Variants in THOC7 observed in about 807,000 individuals in gnomAD.
The protein encoded by THOC7 is NIF3L1-binding protein 1.
Under a neutral mutation model 33.1 loss-of-function variants are expected in THOC7, and 22 were observed. That is an observed-to-expected ratio of 0.66 (90% confidence interval 0.47 to 0.95). THOC7 has a LOEUF of 0.95. Among genes scored for constraint, THOC7 ranks in the 40% least tolerant of loss-of-function variants. The pLI, the probability that THOC7 is intolerant of heterozygous loss-of-function variation, is 0.00. For missense variants in THOC7, 184 were observed against 245.3 expected (o/e 0.75, Z 1.67); for synonymous variants, 77 against 76.8 (o/e 1.00, Z -0.01).
intron 5 of THOC7, 106 bp from the exon 6 acceptor site, chr3:63,835,496 G>T: frequency 1.0e-6 from 1 of 988,590 alleles, no homozygotes; most frequent in Non-Finnish European, 1.5e-6. Context: ...ATAAAAAAAG[G>T]GCTTATAAGG....
chr3:63,855,034 G>C (rs1039144308), intron 1 of THOC7, among the ~76,000 whole-genome samples: 3 of 151,796 alleles, frequency 2.0e-5, no homozygotes, highest in Non-Finnish European at 4.4e-5. Context: ...AAGAAAAGGA[G>C]GCAGCAATTA....
intron 1 of THOC7, among the ~76,000 whole-genome samples, chr3:63,860,310 G>T (rs1346310121): frequency 6.6e-6 from 1 of 152,174 alleles, no homozygotes; most frequent in African/African-American, 2.4e-5. Context: ...ATCCCAAAGT[G>T]CTAAGATTGA....
intron 1 of THOC7, among the ~76,000 whole-genome samples, chr3:63,840,768 A>G (rs945672905): frequency 6.6e-6 from 1 of 152,238 alleles, no homozygotes; most frequent in Non-Finnish European, 1.5e-5. Context: ...TTTTTCAACT[A>G]TCAGATTGGC....
chr3:63,845,084 T>A (rs1190136438), intron 1 of THOC7: 2 of 697,108 alleles, frequency 2.9e-6, no homozygotes, highest in East Asian at 2.7e-5. Context: ...CAGGAAAAGG[T>A]GATGCTAACC....
intron 1 of THOC7, 49 bp downstream of exon 1, chr3:63,863,723 G>C: frequency 8.0e-7 from 1 of 1,248,474 alleles, no homozygotes; most frequent in Non-Finnish European, 1.0e-6. Flanking sequence ...CTCAGGGGAG[G>C]CCCAGCGGGC....
At chr3:63,861,964 T>C (rs1160177212) in intron 1 of THOC7, 1 of 152,068 alleles carries the variant, frequency 6.6e-6, no homozygotes, top group Admixed American at 6.6e-5. Flanking sequence ...ACCAATTTTT[T>C]TGTATTTGTA....
intron 1 of THOC7, among the ~76,000 whole-genome samples, chr3:63,856,058 T>C (rs1702109725): frequency 6.6e-6 from 1 of 152,166 alleles, no homozygotes; most frequent in South Asian, 2.1e-4. Context: ...GTAACACTGT[T>C]TGGAAGAGTA....
At chr3:63,863,951 G>A, upstream of THOC7, 1 of 81,238 alleles carries the variant, frequency 1.2e-5, no homozygotes, top group Non-Finnish European at 2.7e-5. Flanking sequence ...GCGCCGCGCC[G>A]CGCCGCCGCC....
intron 1 of THOC7, among the ~76,000 whole-genome samples, chr3:63,862,898 T>C (rs895007229): frequency 6.6e-6 from 1 of 152,102 alleles, no homozygotes; most frequent in Non-Finnish European, 1.5e-5. Flanking sequence ...TCTCAGTCCA[T>C]AGACCATCTC....
chr3:63,839,508 G>T, intron 2 of THOC7, 148 bp downstream of exon 2: 1 of 724,734 alleles, frequency 1.4e-6, no homozygotes, highest in Non-Finnish European at 2.4e-6. Context: ...AGAAGAAAAG[G>T]CCAAGAAAAT....
chr3:63,840,766 C>T (rs1337686047), intron 1 of THOC7, among the ~76,000 whole-genome samples: 5 of 152,312 alleles, frequency 3.3e-5, no homozygotes, highest in East Asian at 3.9e-4. Context: ...CATTTTTCAA[C>T]TATCAGATTG....
At chr3:63,840,290 A>G (rs1043791389) in intron 1 of THOC7, among the ~76,000 whole-genome samples, 10 of 152,192 alleles carry the variant, frequency 6.6e-5, no homozygotes, top group Non-Finnish European at 5.9e-5. Context: ...GGAAAAAAAA[A>G]TGAGATGGGT....
intron 1 of THOC7, among the ~76,000 whole-genome samples, chr3:63,860,301 T>A (rs901592518): frequency 6.6e-6 from 1 of 152,170 alleles, no homozygotes; most frequent in Non-Finnish European, 1.5e-5. Flanking sequence ...TGCCTTAGCA[T>A]CCCAAAGTGC....
intron 1 of THOC7, among the ~76,000 whole-genome samples, chr3:63,861,234 G>C (rs754586875): frequency 2.0e-5 from 3 of 152,052 alleles, no homozygotes; most frequent in Non-Finnish European, 4.4e-5. Flanking sequence ...TAAGGATGTG[G>C]GGGGGCACTT....
chr3:63,852,869 G>T (rs1352969474), intron 1 of THOC7, among the ~76,000 whole-genome samples: 2 of 152,136 alleles, frequency 1.3e-5, no homozygotes, highest in African/African-American at 4.8e-5. Context: ...CACAGGTCCT[G>T]GCTGGGCACG....
chr3:63,844,338 G>A (rs1701839826), intron 1 of THOC7, among the ~76,000 whole-genome samples: 2 of 152,216 alleles, frequency 1.3e-5, no homozygotes, highest in Non-Finnish European at 1.5e-5. Context: ...CTTGAAAAAT[G>A]TAAAAAGAGT....
rs146851199 is a variant in THOC7 at position 63,841,080 on chromosome 3, G to T, written c.20-1307C>A. On this transcript the variant is annotated intron_variant, in intron 1 of 7. Transcript: ENST00000295899. ...AAACATTCACATAATGTAATAGTATGAGCCAAAAGAATAGTGCAGATATAC... is the reference window on the plus strand; with the variant it reads ...AAACATTCACATAATGTAATAGTATTAGCCAAAAGAATAGTGCAGATATAC... Among the ~76,000 whole-genome samples, 520 of 152,264 alleles carry T rather than the reference G, an allele frequency of 3.4e-3. 10 individuals are homozygous for T. The highest frequency in any genetic ancestry group is 0.031 in the Admixed American group (477 of 15,282).
At chr3:63,839,435 T>A (rs547802104) in intron 2 of THOC7, among the ~76,000 whole-genome samples, 1 of 152,302 alleles carries the variant, frequency 6.6e-6, no homozygotes, top group Admixed American at 6.5e-5. Context: ...GAATTTAATC[T>A]TCATTTCTCC....
chr3:63,835,362 C>T lies in THOC7; in HGVS notation c.439G>A (p.Glu147Lys). ...KELEALGKELEHLSHIKESVE... is the reference protein window; with the variant it reads ...KELEALGKELKHLSHIKESVE... ...CTTTCTTTAATGTGTGAAAGATGCTCTAATTCTTTTCCCAGAGCCTCTAGT... is the reference window on the plus strand; with the variant it reads ...CTTTCTTTAATGTGTGAAAGATGCTTTAATTCTTTTCCCAGAGCCTCTAGT... The change falls in exon 6 of 8, where the codon GAG becomes AAG. Residue 147 changes from glutamate (E) to lysine (K), a missense_variant. Glu to Lys is a moderately conservative substitution (Grantham distance 56). Transcript: ENST00000295899. The T allele has an allele frequency of 6.2e-7, 1 of 1,613,436 alleles. No individual in the cohort carries two copies. Among genetic ancestry groups the T allele is most frequent in the Non-Finnish European group, 8.5e-7 (1 of 1,179,726 alleles).
Sources: gnomAD v4.1 joint callset for allele counts (sites outside exome capture counted in the v4.1 genomes callset) on GRCh38, gnomAD v4.1.1 for gene constraint, MANE v1.5 for transcripts, NCBI Gene and HGNC (gene_info 2026-07-23, HGNC 2026-07-21) for gene names.